Variants in MAP4K4 observed in about 807,000 individuals in gnomAD.
MAP4K4 encodes the protein mitogen-activated protein kinase kinase kinase kinase 4, also known as HPK/GCK-like kinase HGK.
Under a neutral mutation model 189.6 loss-of-function variants are expected in MAP4K4, and 38 were observed. The ratio of observed to expected loss-of-function variants is 0.20; its 90% CI spans 0.15 to 0.26. The LOEUF (loss-of-function observed/expected upper bound fraction) is 0.26, where lower values mean the gene tolerates loss of function less well. Ranked by LOEUF, MAP4K4 falls within the 10% of genes least tolerant of loss-of-function variation. MAP4K4 has a pLI of 1.00. For synonymous variants in MAP4K4, 610 were observed against 624.3 expected, an observed-to-expected ratio of 0.98 and a Z score of 0.34; for missense variants, 1,054 against 1,726.9, an observed-to-expected ratio of 0.61 and a Z score of 6.91.
intron 2 of MAP4K4, among the ~76,000 whole-genome samples, chr2:101,772,692 A>C (rs1417184676): frequency 6.6e-6 from 1 of 152,206 alleles, no homozygotes; most frequent in South Asian, 2.1e-4. Flanking sequence ...TTTGGCATTC[A>C]CATTGCAAAG....
At chr2:101,817,092 C>G (rs925644171) in intron 3 of MAP4K4, among the ~76,000 whole-genome samples, 1 of 151,728 alleles carries the variant, frequency 6.6e-6, no homozygotes, top group Admixed American at 6.6e-5. Flanking sequence ...TAGCATTTCT[C>G]CCCTCCTCCT....
chr2:101,887,103 G>A, exon 30 of MAP4K4: 1 of 1,587,584 alleles, frequency 6.3e-7, no homozygotes, highest in South Asian at 1.1e-5. Flanking sequence ...TGGAGAATTG[G>A]TACATAAGCC....
intron 13 of MAP4K4, among the ~76,000 whole-genome samples, chr2:101,856,688 G>A (rs2097479322): frequency 6.6e-6 from 1 of 152,060 alleles, no homozygotes. Context: ...TTAATGTCAG[G>A]TATGATTTTA....
chr2:101,839,986 G>T, exon 10 of MAP4K4: 1 of 1,594,478 alleles, frequency 6.3e-7, no homozygotes, highest in Non-Finnish European at 8.5e-7. Flanking sequence ...AAGAAGAGAG[G>T]CGAGAAAGGT....
chr2:101,723,863 T>C (rs2053665115), intron 2 of MAP4K4, among the ~76,000 whole-genome samples: 2 of 152,118 alleles, frequency 1.3e-5, no homozygotes, highest in Admixed American at 6.5e-5. Context: ...CTCACAGCAT[T>C]TCATGTCAGT....
chr2:101,846,806 C>G (rs772418718), intron 12 of MAP4K4, among the ~76,000 whole-genome samples: 11 of 152,142 alleles, frequency 7.2e-5, no homozygotes, highest in Non-Finnish European at 8.8e-5. Flanking sequence ...TAGAATTCCA[C>G]TGGTTTGGAT....
chr2:101,882,487 T>C (rs1304074908), intron 27 of MAP4K4, 64 bp from the exon 28 acceptor site: 2 of 1,282,246 alleles, frequency 1.6e-6, no homozygotes, highest in African/African-American at 3.0e-5. Context: ...TTGGTTACTA[T>C]TGTTATTAAT....
intron 2 of MAP4K4, among the ~76,000 whole-genome samples, chr2:101,759,142 G>A (rs78033250): frequency 7.2e-4 from 103 of 142,894 alleles, no homozygotes; most frequent in Non-Finnish European, 5.8e-4. Context: ...CAAAAAAAAA[G>A]AAAAAAAAAA....
At chr2:101,863,147 G>T (rs1559237015) in intron 16 of MAP4K4, among the ~76,000 whole-genome samples, 1 of 152,062 alleles carries the variant, frequency 6.6e-6, no homozygotes, top group Non-Finnish European at 1.5e-5. Context: ...GGAATCCATG[G>T]TACTGAATAT....
intron 2 of MAP4K4, among the ~76,000 whole-genome samples, chr2:101,767,508 G>A (rs2079131618): frequency 6.6e-6 from 1 of 152,180 alleles, no homozygotes; most frequent in Non-Finnish European, 1.5e-5. Context: ...AGCTTGCTTT[G>A]GCGTGTCTTT....
intron 2 of MAP4K4, among the ~76,000 whole-genome samples, chr2:101,776,001 A>G (rs1169352972): frequency 6.6e-6 from 1 of 152,182 alleles, no homozygotes; most frequent in East Asian, 1.9e-4. Context: ...GAGCTGCCTT[A>G]TGCTTAACGT....
chr2:101,889,873 CAA>C (rs1387564263), intron 32 of MAP4K4, among the ~76,000 whole-genome samples: 3 of 152,180 alleles, frequency 2.0e-5, no homozygotes, highest in Non-Finnish European at 4.4e-5. Flanking sequence ...ATCCCAAACA[CAA>C]AGTCACTTCA....
chr2:101,811,395 T>C (rs575135104), intron 3 of MAP4K4, among the ~76,000 whole-genome samples: 1 of 76,302 alleles, frequency 1.3e-5, no homozygotes, highest in African/African-American at 4.4e-5. Flanking sequence ...AAAAAAAGAA[T>C]GTGGAAGTAG....
At chr2:101,767,474 CAA>C (rs894952204) in intron 2 of MAP4K4, among the ~76,000 whole-genome samples, 5 of 152,188 alleles carry the variant, frequency 3.3e-5, no homozygotes, top group Admixed American at 2.6e-4. Flanking sequence ...CTTTTGAACA[CAA>C]AGACTCTTCC....
chr2:101,706,880 C>G (rs532600602), intron 2 of MAP4K4, among the ~76,000 whole-genome samples: 1 of 152,224 alleles, frequency 6.6e-6, no homozygotes, highest in South Asian at 2.1e-4. Context: ...TTTCTTATCA[C>G]TGCCTCATCT....
intron 7 of MAP4K4, among the ~76,000 whole-genome samples, chr2:101,833,120 A>G (rs776530402): frequency 6.6e-6 from 1 of 152,162 alleles, no homozygotes; most frequent in African/African-American, 2.4e-5. Context: ...GCTTAATGAA[A>G]ATAAGGGAGG....
intron 2 of MAP4K4, among the ~76,000 whole-genome samples, chr2:101,753,750 T>C (rs1034869516): frequency 1.3e-5 from 2 of 152,102 alleles, no homozygotes; most frequent in African/African-American, 4.8e-5. Context: ...GTGTTCATTA[T>C]AGAAACTACC....
At chr2:101,722,703 T>G (rs2052892978) in intron 2 of MAP4K4, among the ~76,000 whole-genome samples, 1 of 152,226 alleles carries the variant, frequency 6.6e-6, no homozygotes, top group Non-Finnish European at 1.5e-5. Context: ...GTAACTTTAC[T>G]AGAGGTCACT....
chr2:101,698,594 G>A, intron 2 of MAP4K4, 56 bp downstream of exon 2: 1 of 1,535,564 alleles, frequency 6.5e-7, no homozygotes, highest in East Asian at 2.3e-5. Flanking sequence ...CTTATTGGGG[G>A]ACGAGGAGAG....
Sources: allele counts gnomAD v4.1 joint callset (sites outside exome capture counted in the v4.1 genomes callset), GRCh38; gene constraint gnomAD v4.1.1; transcripts MANE v1.5; gene names NCBI Gene and HGNC (gene_info 2026-07-23, HGNC 2026-07-21).